EGFLAM: variants seen among roughly 807,000 people sequenced by gnomAD.
The protein encoded by EGFLAM is pikachurin.
A neutral mutation model predicts 113.1 loss-of-function variants in EGFLAM; 79 were observed. The observed-to-expected ratio is 0.70, with a 90% CI of 0.58 to 0.84. EGFLAM has a LOEUF of 0.84. Ranked by LOEUF, EGFLAM falls within the 40% of genes least tolerant of loss-of-function variation. The pLI, the probability that EGFLAM is intolerant of heterozygous loss-of-function variation, is 0.00. For synonymous variants in EGFLAM, 504 were observed against 487.6 expected, an observed-to-expected ratio of 1.03 and a Z score of -0.44; for missense variants, 1,265 against 1,291.6, an observed-to-expected ratio of 0.98 and a Z score of 0.32.
At chr5:38,278,800 A>ATT (rs35990684) in intron 1 of EGFLAM, among the ~76,000 whole-genome samples, 3 of 150,170 alleles carry the variant, frequency 2.0e-5, no homozygotes. Flanking sequence ...CTGGTCAATG[A>ATT]TTTTTTTTTT....
intron 16 of EGFLAM, among the ~76,000 whole-genome samples, chr5:38,436,977 T>A (rs1276999272): frequency 1.3e-5 from 2 of 152,190 alleles, no homozygotes. Context: ...TAACCTCTTA[T>A]AACCCCTGGG....
rs145241417 is a variant in EGFLAM, at chr5:38,265,018, A to G, written c.97+6167A>G. ...CTTTGTTAGTCTCACTCTTTCCATT[A>G]ATTCTCTGTGAGAGGTAAAGAGACA... On this transcript the variant is annotated intron_variant, in intron 1 of 21. Coordinates refer to ENST00000322350, the MANE Select transcript of EGFLAM (RefSeq NM_152403.4). 1.9e-3 allele frequency among the ~76,000 whole-genome samples: 294 copies of G among 152,254 alleles called. 1 individual carries two copies. The highest frequency in any genetic ancestry group is 6.7e-3 in the African/African-American group (280 of 41,538).
intron 6 of EGFLAM, among the ~76,000 whole-genome samples, chr5:38,376,025 T>C (rs1030879445): frequency 6.6e-6 from 1 of 152,172 alleles, no homozygotes; most frequent in Non-Finnish European, 1.5e-5. Flanking sequence ...ACCCAAATCA[T>C]GATCTCTCAT....
At position 38,268,643 on chromosome 5, in the gene EGFLAM, T is replaced by C. The variant is rs140626584; in HGVS notation, c.97+9792T>C. Among the ~76,000 whole-genome samples the C allele has an allele frequency of 1.7e-3, 256 of 152,322 alleles. 2 individuals are homozygous for C. Among genetic ancestry groups the C allele is most frequent in the African/African-American group, 5.7e-3 (239 of 41,580 alleles). ...TTCTTTCCCATGGATATTTTATACG[T>C]GGCAGAATTTGACTTGGAATTTGCT... is the stretch of plus-strand genomic sequence containing the variant. On this transcript the variant is annotated intron_variant, in intron 1 of 21. Coordinates refer to ENST00000322350, the MANE Select transcript of EGFLAM (RefSeq NM_152403.4).
At chr5:38,377,350 G>A (rs865790505) in intron 6 of EGFLAM, among the ~76,000 whole-genome samples, 3 of 151,922 alleles carry the variant, frequency 2.0e-5, no homozygotes, top group Admixed American at 6.5e-5. Flanking sequence ...CACCATGTTG[G>A]CCAGGGTGGT....
chr5:38,282,625 G>T (rs992568811), intron 1 of EGFLAM: 4 of 89,854 alleles, frequency 4.5e-5, no homozygotes, highest in East Asian at 6.7e-4. Context: ...GGCCCCAGAG[G>T]TTATGGCAAG....
chr5:38,268,831 A>G (rs1398227782), intron 1 of EGFLAM, among the ~76,000 whole-genome samples: 3 of 152,180 alleles, frequency 2.0e-5, no homozygotes, highest in Non-Finnish European at 4.4e-5. Flanking sequence ...GTAAGTGCAT[A>G]TGTGCTATAT....
chr5:38,373,047 TA>T (rs1313280432), intron 6 of EGFLAM, among the ~76,000 whole-genome samples: 2 of 152,180 alleles, frequency 1.3e-5, no homozygotes, highest in African/African-American at 4.8e-5. Flanking sequence ...TTCAAATTAA[TA>T]AATTTCAAAT....
At chr5:38,427,557 G>T (rs183037076) in intron 14 of EGFLAM, among the ~76,000 whole-genome samples, 2 of 152,154 alleles carry the variant, frequency 1.3e-5, no homozygotes, top group African/African-American at 4.8e-5. Flanking sequence ...TCCACCTAAA[G>T]TTATGTCATG....
chr5:38,382,688 A>G (rs1009088064), intron 6 of EGFLAM, among the ~76,000 whole-genome samples: 4 of 152,204 alleles, frequency 2.6e-5, no homozygotes, highest in African/African-American at 9.6e-5. Context: ...ACCTTTTGAG[A>G]TAAAAATGTT....
intron 6 of EGFLAM, among the ~76,000 whole-genome samples, chr5:38,376,057 A>AT (rs368458929): frequency 2.9e-4 from 44 of 149,680 alleles, no homozygotes; most frequent in African/African-American, 6.1e-4. Flanking sequence ...ATCCTGCTGT[A>AT]TTTTTTTTTT....
At chr5:38,462,620 T>C in intron 20 of EGFLAM, 2 of 308,652 alleles carry the variant, frequency 6.5e-6, no homozygotes, top group Non-Finnish European at 1.1e-5. Flanking sequence ...CTAGTCTAAG[T>C]TAGGCGCTGC....
chr5:38,428,263 A>G (rs995458274), intron 14 of EGFLAM, among the ~76,000 whole-genome samples: 2 of 152,190 alleles, frequency 1.3e-5, no homozygotes, highest in African/African-American at 4.8e-5. Context: ...AGATGCTACA[A>G]CCATGCATTG....
At chr5:38,449,402 T>C (rs1742832713) in intron 18 of EGFLAM, among the ~76,000 whole-genome samples, 1 of 152,190 alleles carries the variant, frequency 6.6e-6, no homozygotes, top group Non-Finnish European at 1.5e-5. Flanking sequence ...ATCTACGTTG[T>C]CTTGGCATGG....
chr5:38,304,303 G>A (rs1293742247), intron 1 of EGFLAM, among the ~76,000 whole-genome samples: 1 of 152,140 alleles, frequency 6.6e-6, no homozygotes, highest in Admixed American at 6.5e-5. Context: ...GTATGATTGA[G>A]AAGTGTCAGC....
chr5:38,355,912 C>T (rs1032800220), intron 5 of EGFLAM, among the ~76,000 whole-genome samples: 13 of 152,128 alleles, frequency 8.5e-5, no homozygotes, highest in African/African-American at 3.1e-4. Context: ...AGGCACCCAC[C>T]ACGATGCCTG....
At chr5:38,314,907 T>C (rs925386626) in intron 1 of EGFLAM, among the ~76,000 whole-genome samples, 4 of 152,152 alleles carry the variant, frequency 2.6e-5, no homozygotes, top group Non-Finnish European at 5.9e-5. Flanking sequence ...GTGGGGACAG[T>C]ATGGAGCGGA....
chr5:38,355,409 C>A (rs1460779937), intron 5 of EGFLAM, among the ~76,000 whole-genome samples: 1 of 152,114 alleles, frequency 6.6e-6, no homozygotes, highest in Non-Finnish European at 1.5e-5. Flanking sequence ...AGGTCACATG[C>A]TGGTTGCAAG....
chr5:38,452,923 A>G (rs1355425060), intron 19 of EGFLAM, among the ~76,000 whole-genome samples: 1 of 152,200 alleles, frequency 6.6e-6, no homozygotes, highest in Non-Finnish European at 1.5e-5. Flanking sequence ...GATTGGGTGA[A>G]AGCTGAGCTT....
Sources: gnomAD v4.1 joint callset for allele counts (sites outside exome capture counted in the v4.1 genomes callset) on GRCh38, gnomAD v4.1.1 for gene constraint, MANE v1.5 for transcripts, NCBI Gene and HGNC (gene_info 2026-07-23, HGNC 2026-07-21) for gene names.